The following COPS2 variants were observed in gnomAD, a reference collection of about 807,000 sequenced individuals.
COPS2 encodes COP9 signalosome subunit 2, also known as COP9 signalosome complex subunit 2.
A neutral mutation model predicts 66.1 loss-of-function variants in COPS2; 10 were observed. That is an observed-to-expected ratio of 0.15 (90% CI 0.09 to 0.26). COPS2 has a LOEUF of 0.26. COPS2 is among the 10% of genes least tolerant of loss of function. The pLI is 1.00. For synonymous variants in COPS2, 179 were observed against 171.3 expected (o/e 1.04, Z -0.35); for missense variants, 215 against 513.3 (o/e 0.42, Z 5.62).
rs377183837 is a variant in COPS2, at chr15:49,128,023, C to T, written c.1259G>A (p.Arg420Gln). 1.9e-5 allele frequency: 31 copies of T among 1,613,686 alleles called. No individual in the cohort carries two copies. The highest frequency in any genetic ancestry group is 2.4e-5 in the Non-Finnish European group (28 of 1,179,790). The change falls in exon 13 of 13, where the codon CGA becomes CAA. Residue 420 changes from arginine to glutamine, a missense_variant. Arg to Gln is a conservative substitution (Grantham distance 43). Transcript: ENST00000388901. ...ELDHQKRGGARYTALDKWTNQ... is the reference protein window; with the variant it reads ...ELDHQKRGGAQYTALDKWTNQ... The stretch of plus-strand genomic sequence containing the variant: ...GGTCCATTTATCTAGTGCAGTATAT[C>T]GTGCACCACCCCTCTTCTGATGATC...
intron 3 of COPS2, among the ~76,000 whole-genome samples, chr15:49,141,536 T>C (rs894505290): frequency 7.9e-5 from 12 of 152,080 alleles, no homozygotes; most frequent in African/African-American, 2.9e-4. Context: ...TTTGAATTTA[T>C]CTCATGTTAT....
At chr15:49,131,072 C>G (rs1246833571) in intron 9 of COPS2, among the ~76,000 whole-genome samples, 1 of 151,994 alleles carries the variant, frequency 6.6e-6, no homozygotes, top group African/African-American at 2.4e-5. Flanking sequence ...TATATTTATA[C>G]AAAGTTAATT....
chr15:49,129,858 A>G (rs2084196033), intron 10 of COPS2, among the ~76,000 whole-genome samples: 1 of 152,200 alleles, frequency 6.6e-6, no homozygotes, highest in Admixed American at 6.5e-5. Flanking sequence ...ATATCTTTAA[A>G]GAAGCTCTGA....
rs1162538042 is a variant in COPS2, at chr15:49,132,352, C to T, written c.947+1407G>A. Reference sequence around the variant, plus strand: ...TGTTCTTAGTCCCCCTAAAAAAAAACGCTTTTTTTTTTACAGCCAAAATTA... The same window carrying T: ...TGTTCTTAGTCCCCCTAAAAAAAAATGCTTTTTTTTTTACAGCCAAAATTA... On this transcript the variant is annotated intron_variant, in intron 9 of 12. Transcript: ENST00000388901. Among the ~76,000 whole-genome samples the T allele has an allele frequency of 5.3e-5, 8 of 150,298 alleles. No individual in the cohort carries two copies. In the East Asian group the frequency reaches 5.9e-4, roughly 11 times the overall value.
intron 3 of COPS2, among the ~76,000 whole-genome samples, chr15:49,140,964 A>C (rs2084286118): frequency 6.6e-6 from 1 of 152,126 alleles, no homozygotes; most frequent in East Asian, 1.9e-4. Context: ...AATTACAATA[A>C]AGAAAACAGC....
At chr15:49,147,285 C>T (rs2084327319) in intron 1 of COPS2, among the ~76,000 whole-genome samples, 1 of 152,062 alleles carries the variant, frequency 6.6e-6, no homozygotes, top group Non-Finnish European at 1.5e-5. Flanking sequence ...GCAACCCAAA[C>T]CTTCAGAATG....
In COPS2 at chr15:49,123,131, CAGTA is replaced by C. The variant is rs1199337532; in HGVS notation, c.*4815_*4818del. 6.6e-6 allele frequency: 1 copy of C among 151,576 alleles called. No individual in the cohort carries two copies. The highest frequency in any genetic ancestry group is 2.4e-5 in the African/African-American group (1 of 41,382). The allele number at this position is 151,576 out of a possible 1,614,324, so 9.4% of individuals were successfully genotyped here. ...CATAAAAATTTATTACTGTCGTAAACAGTAAGGGATAGGCAAACATTTGAACAGA... is the reference window on the plus strand; with the variant it reads ...CATAAAAATTTATTACTGTCGTAAACAGGGATAGGCAAACATTTGAACAGA... On this transcript the variant is annotated 3_prime_UTR_variant, in exon 13 of 13. Transcript: ENST00000388901.
At chr15:49,137,640 G>C (rs2141127100) in intron 4 of COPS2, 1 of 498,644 alleles carries the variant, frequency 2.0e-6, no homozygotes, top group East Asian at 3.2e-5. Flanking sequence ...ATGATGCGTT[G>C]TTTTATAGAA....
chr15:49,145,617 T>A (rs1032937904), intron 1 of COPS2, among the ~76,000 whole-genome samples: 3 of 152,162 alleles, frequency 2.0e-5, no homozygotes, highest in African/African-American at 7.2e-5. Flanking sequence ...TTATGTGCAC[T>A]ATACAACAGC....
intron 4 of COPS2, chr15:49,137,667 C>T (rs532388260): frequency 2.8e-4 from 125 of 453,230 alleles, no homozygotes; most frequent in Middle Eastern, 1.8e-3. Context: ...AAATATTTCC[C>T]CATATAAACA....
chr15:49,129,163 A>T (rs2084190780), intron 11 of COPS2, among the ~76,000 whole-genome samples: 1 of 152,068 alleles, frequency 6.6e-6, no homozygotes, highest in African/African-American at 2.4e-5. Context: ...TTCACATTAA[A>T]AGTAAAGCCC....
chr15:49,137,101 T>G, intron 6 of COPS2, 49 bp downstream of exon 6: 1 of 1,064,144 alleles, frequency 9.4e-7, no homozygotes, highest in Non-Finnish European at 1.4e-6. Context: ...TTGCTTATAC[T>G]TTTTTTTTAT....
intron 9 of COPS2, among the ~76,000 whole-genome samples, chr15:49,132,571 CAA>C (rs748471326): frequency 0.21 from 12,245 of 58,172 alleles, 247 homozygotes; most frequent in Non-Finnish European, 0.27. Context: ...CATATATCTG[CAA>C]AAAAAAAAAA....
chr15:49,134,233 A>ATAC, intron 7 of COPS2, 107 bp downstream of exon 7: 1 of 1,399,448 alleles, frequency 7.1e-7, no homozygotes, highest in Non-Finnish European at 9.7e-7. Context: ...TGTAACTTGA[A>ATAC]TACTACTGGC....
At chr15:49,139,455 C>T (rs1399127186) in intron 4 of COPS2, 73 bp downstream of exon 4, 1 of 1,207,968 alleles carries the variant, frequency 8.3e-7, no homozygotes, top group African/African-American at 1.5e-5. Flanking sequence ...GCCTTTCCAT[C>T]TATAAAGAAC....
At position 49,125,909 on chromosome 15, in the gene COPS2, G is replaced by A. The variant is rs931357326; in HGVS notation, c.*2041C>T. 1 of 152,088 alleles carries A rather than the reference G, an allele frequency of 6.6e-6. No homozygotes were observed. Among genetic ancestry groups the A allele is most frequent in the Admixed American group, 6.5e-5 (1 of 15,282 alleles). The allele number at this position is 152,088 out of a possible 1,614,324, so 9.4% of individuals were successfully genotyped here. On this transcript the variant is annotated 3_prime_UTR_variant, in exon 13 of 13. Transcript: ENST00000388901. ...AGATAGCACAGGAGAACTGGGCACT[G>A]TAAGAATTGGAGGATAAAGGTTAAA...
At position 49,130,679 on chromosome 15, in the gene COPS2, CAAAG is replaced by C. The variant is rs1223344703; in HGVS notation, c.1045+36_1045+39del. 1.9e-5 allele frequency: 24 copies of C among 1,242,854 alleles called. 1 individual carries two copies. The Admixed American group carries it at 4.4e-4, about 23-fold the overall frequency. 77.0% of individuals were successfully genotyped at this position (1,242,854 alleles called of 1,614,324 possible). A position where few individuals can be genotyped will look rare whatever the true frequency, so the allele number is the denominator to read the frequency against. Reference sequence around the variant, plus strand: ...TTAAGTGGCATTTCTTTGACAGTGGCAAAGAAAGTAATAGAATCCAGTTGGCAGA... The same window carrying C: ...TTAAGTGGCATTTCTTTGACAGTGGCAAAGTAATAGAATCCAGTTGGCAGA... On this transcript the variant is annotated intron_variant, in intron 10 of 12. Transcript: ENST00000388901.
At chr15:49,134,974 C>T (rs1033521334) in intron 6 of COPS2, among the ~76,000 whole-genome samples, 16 of 152,088 alleles carry the variant, frequency 1.1e-4, no homozygotes, top group Admixed American at 2.0e-4. Context: ...TTTCTAAGAA[C>T]CTATTAACAA....
chr15:49,153,818 T>A (rs1399045980), intron 1 of COPS2, among the ~76,000 whole-genome samples: 1 of 151,954 alleles, frequency 6.6e-6, no homozygotes, highest in Non-Finnish European at 1.5e-5. Flanking sequence ...CTCACTCAGA[T>A]CTGGGAGCAA....
Sources: allele counts gnomAD v4.1 joint callset (sites outside exome capture counted in the v4.1 genomes callset), GRCh38; gene constraint gnomAD v4.1.1; transcripts MANE v1.5; gene names NCBI Gene and HGNC (gene_info 2026-07-23, HGNC 2026-07-21).